Variants in ARHGAP15 observed in about 807,000 individuals in gnomAD.
ARHGAP15 encodes the protein rho GTPase-activating protein 15.
ARHGAP15 carries 51 observed loss-of-function variants against 63.7 expected under a neutral mutation model. That is an observed-to-expected ratio of 0.80 (90% CI 0.64 to 1.01). ARHGAP15 has a LOEUF of 1.01. Among genes scored for constraint, ARHGAP15 ranks in the 50% least tolerant of loss-of-function variants. The probability of loss-of-function intolerance (pLI) is 0.00; values close to 1 mark genes in which losing one functional copy is unlikely to be tolerated. For missense variants in ARHGAP15, 560 were observed against 564.6 expected (o/e 0.99, Z 0.08); for synonymous variants, 191 against 193.8 (o/e 0.99, Z 0.12).
intron 6 of ARHGAP15, among the ~76,000 whole-genome samples, chr2:143,365,119 A>G (rs984626299): frequency 3.9e-5 from 6 of 152,232 alleles, no homozygotes; most frequent in Non-Finnish European, 8.8e-5. Flanking sequence ...GTACACCCGA[A>G]TAAGGAAAAG....
At chr2:143,763,344 CATTT>C (rs1196126880) in intron 13 of ARHGAP15, among the ~76,000 whole-genome samples, 1 of 152,092 alleles carries the variant, frequency 6.6e-6, no homozygotes, top group Non-Finnish European at 1.5e-5. Flanking sequence ...TGAATCATGA[CATTT>C]ATAACAGCAT....
chr2:143,135,410 C>G (rs751048958), intron 1 of ARHGAP15, among the ~76,000 whole-genome samples: 6 of 152,096 alleles, frequency 3.9e-5, no homozygotes, highest in Non-Finnish European at 8.8e-5. Context: ...ATTTTGAACT[C>G]TAAGTATACT....
intron 11 of ARHGAP15, among the ~76,000 whole-genome samples, chr2:143,583,252 A>G (rs1020932846): frequency 6.6e-5 from 10 of 152,216 alleles, no homozygotes; most frequent in Non-Finnish European, 2.9e-5. Flanking sequence ...AACACTGAAC[A>G]GTTTATCACA....
At chr2:143,287,022 A>AT (rs1353912565) in intron 6 of ARHGAP15, among the ~76,000 whole-genome samples, 1 of 152,146 alleles carries the variant, frequency 6.6e-6, no homozygotes, top group Admixed American at 6.5e-5. Flanking sequence ...TGGACTGTAA[A>AT]TACATAATTC....
intron 10 of ARHGAP15, among the ~76,000 whole-genome samples, chr2:143,522,362 C>T (rs1228170035): frequency 6.6e-6 from 1 of 152,160 alleles, no homozygotes; most frequent in Non-Finnish European, 1.5e-5. Context: ...CTTTAAAGCT[C>T]TTCCAAGTGG....
intron 6 of ARHGAP15, among the ~76,000 whole-genome samples, chr2:143,289,464 CAT>C (rs895963384): frequency 1.3e-5 from 2 of 152,156 alleles, no homozygotes; most frequent in African/African-American, 4.8e-5. Flanking sequence ...TGTATTCCCT[CAT>C]GTGAGTATTA....
At chr2:143,329,637 G>T (rs562224246) in intron 6 of ARHGAP15, among the ~76,000 whole-genome samples, 4 of 152,090 alleles carry the variant, frequency 2.6e-5, no homozygotes, top group Non-Finnish European at 5.9e-5. Flanking sequence ...ACTGTGTTTT[G>T]AGCTGTTAAA....
At chr2:143,330,142 A>G (rs1558898139) in intron 6 of ARHGAP15, among the ~76,000 whole-genome samples, 1 of 143,576 alleles carries the variant, frequency 7.0e-6, no homozygotes, top group Admixed American at 7.2e-5. Flanking sequence ...CCAAAAACAA[A>G]AAACTAAACT....
intron 6 of ARHGAP15, among the ~76,000 whole-genome samples, chr2:143,357,545 G>T (rs142576195): frequency 1.5e-3 from 230 of 152,224 alleles, no homozygotes; most frequent in African/African-American, 5.2e-3. Flanking sequence ...CTTCTGTGCA[G>T]AAAAATGCAC....
intron 6 of ARHGAP15, among the ~76,000 whole-genome samples, chr2:143,301,860 T>C (rs549878676): frequency 1.3e-5 from 2 of 151,800 alleles, no homozygotes; most frequent in South Asian, 4.1e-4. Flanking sequence ...ACAACATATA[T>C]ATGGAGACAC....
At chr2:143,764,537 G>T (rs1260063184) in intron 13 of ARHGAP15, among the ~76,000 whole-genome samples, 2 of 152,088 alleles carry the variant, frequency 1.3e-5, no homozygotes, top group Non-Finnish European at 2.9e-5. Context: ...AAATAGTCCA[G>T]CCCCGTTTCA....
chr2:143,272,048 C>G (rs566893558), intron 6 of ARHGAP15, among the ~76,000 whole-genome samples: 3 of 152,096 alleles, frequency 2.0e-5, no homozygotes, highest in Admixed American at 6.5e-5. Flanking sequence ...TCTTTTAAAT[C>G]GCCGGTCATT....
rs112263222 is a variant in ARHGAP15, at chr2:143,643,729, G to A, written c.1138+19462G>A. Among the ~76,000 whole-genome samples, 873 of 151,634 alleles carry A rather than the reference G, an allele frequency of 5.8e-3. 9 individuals are homozygous for A. Among genetic ancestry groups the A allele is most frequent in the Non-Finnish European group, 7.7e-3 (521 of 67,850 alleles). ...AAAAGGAAGAAATGAAGGAAAAGAA[G>A]AAACTTTATGTAAAAGATTACAAAA... On this transcript the variant is annotated intron_variant, in intron 12 of 13. Transcript: ENST00000295095.
chr2:143,480,445 C>T (rs1161075527), intron 8 of ARHGAP15, among the ~76,000 whole-genome samples: 1 of 152,154 alleles, frequency 6.6e-6, no homozygotes, highest in Non-Finnish European at 1.5e-5. Context: ...ATGATGAGTA[C>T]ACACCCTTCT....
At chr2:143,674,851 A>C (rs967919435) in intron 12 of ARHGAP15, among the ~76,000 whole-genome samples, 9 of 152,292 alleles carry the variant, frequency 5.9e-5, no homozygotes, top group African/African-American at 1.9e-4. Context: ...TCTTGCCTCC[A>C]TGTTAATGGT....
chr2:143,500,518 T>G (rs1235007870), intron 9 of ARHGAP15, among the ~76,000 whole-genome samples: 1 of 152,184 alleles, frequency 6.6e-6, no homozygotes, highest in African/African-American at 2.4e-5. Context: ...TAGTGAATAG[T>G]GATATGTATG....
At chr2:143,351,793 C>A (rs1364482837) in intron 6 of ARHGAP15, among the ~76,000 whole-genome samples, 1 of 151,988 alleles carries the variant, frequency 6.6e-6, no homozygotes, top group Non-Finnish European at 1.5e-5. Flanking sequence ...TACTCTGGTA[C>A]CCTGGAGCTT....
At chr2:143,542,517 T>G (rs1695115385) in intron 10 of ARHGAP15, among the ~76,000 whole-genome samples, 1 of 151,608 alleles carries the variant, frequency 6.6e-6, no homozygotes, top group African/African-American at 2.4e-5. Context: ...CCATCTTGGC[T>G]CTACCCCAAA....
At chr2:143,373,407 G>T (rs974912677) in intron 6 of ARHGAP15, among the ~76,000 whole-genome samples, 1 of 152,058 alleles carries the variant, frequency 6.6e-6, no homozygotes. Flanking sequence ...GAGGCAGGTG[G>T]ATCACGAGGT....
Sources: gnomAD v4.1 joint callset for allele counts (sites outside exome capture counted in the v4.1 genomes callset) on GRCh38, gnomAD v4.1.1 for gene constraint, MANE v1.5 for transcripts, NCBI Gene and HGNC (gene_info 2026-07-23, HGNC 2026-07-21) for gene names.